Variants in PRRC2B observed in about 807,000 individuals in gnomAD.
PRRC2B encodes the protein protein PRRC2B.
A neutral mutation model predicts 242.3 loss-of-function variants in PRRC2B; 68 were observed. That is an observed-to-expected ratio of 0.28 (90% CI 0.23 to 0.34). The LOEUF (loss-of-function observed/expected upper bound fraction) is 0.34. Ranked by LOEUF, PRRC2B falls within the 10% of genes least tolerant of loss-of-function variation. PRRC2B has a pLI of 1.00. For missense variants in PRRC2B, 2,835 were observed against 2,954.8 expected, an observed-to-expected ratio of 0.96 and a Z score of 0.94; for synonymous variants, 1,228 against 1,173.6, an observed-to-expected ratio of 1.05 and a Z score of -0.95.
At chr9:131,481,268 G>A (rs1381608881) in intron 19 of PRRC2B, among the ~76,000 whole-genome samples, 1 of 120,756 alleles carries the variant, frequency 8.3e-6, no homozygotes, top group Non-Finnish European at 1.6e-5. Context: ...TGGAGATCGC[G>A]CCACTGCACT....
chr9:131,466,383 G>GAACA (rs1943395821), intron 12 of PRRC2B, among the ~76,000 whole-genome samples: 1 of 152,240 alleles, frequency 6.6e-6, no homozygotes, highest in Admixed American at 6.5e-5. Flanking sequence ...AACCCTTGGT[G>GAACA]AACACATGGT....
chr9:131,420,506 T>TC (rs1005688310), intron 1 of PRRC2B, among the ~76,000 whole-genome samples: 3 of 124,678 alleles, frequency 2.4e-5, no homozygotes, highest in Non-Finnish European at 3.3e-5. Flanking sequence ...TTTTTTTTTT[T>TC]TTTTGAGATG....
At chr9:131,457,500 A>T (rs1943115734) in intron 10 of PRRC2B, among the ~76,000 whole-genome samples, 1 of 152,172 alleles carries the variant, frequency 6.6e-6, no homozygotes, top group South Asian at 2.1e-4. Flanking sequence ...CTTTTTCTTC[A>T]TGTTCTCTGA....
intron 26 of PRRC2B, chr9:131,486,387 G>A: frequency 1.5e-6 from 1 of 649,680 alleles, no homozygotes; most frequent in Non-Finnish European, 1.9e-6. Context: ...GGAGTTGGCT[G>A]CTCCAGACTC....
In PRRC2B at chr9:131,485,056, A is replaced by G. The variant is rs1034152886; in HGVS notation, c.5674A>G (p.Ser1892Gly). 6.2e-7 allele frequency: 1 copy of G among 1,610,186 alleles called. No homozygotes were observed. The part of the protein sequence containing the change: ...IQPPSSVGAS[S>G]GVNYSSFGGV... ...GCCTCCATCCTCTGTGGGTGCCTCC[A>G]GCGGGGTCAACTACAGCTCCTTCGG... Residue 1892 changes from serine (S) to glycine (G), a missense_variant, in exon 25 of 32, where the codon AGC becomes GGC. By Grantham distance (56) the Ser-to-Gly change is moderately conservative (BLOSUM62 0). Around this residue, in one of 7 missense-constraint regions of PRRC2B, gnomAD observed 574 missense variants for 626.0 expected, o/e 0.92. Coordinates refer to ENST00000683519, the MANE Select transcript of PRRC2B (RefSeq NM_013318.4).
At chr9:131,413,964 C>G (rs548828997) in intron 1 of PRRC2B, among the ~76,000 whole-genome samples, 2 of 152,198 alleles carry the variant, frequency 1.3e-5, no homozygotes, top group Admixed American at 6.5e-5. Context: ...GCCACCACGC[C>G]GGGCCTTAAT....
At chr9:131,415,429 C>T (rs1015474435) in intron 1 of PRRC2B, among the ~76,000 whole-genome samples, 1 of 152,198 alleles carries the variant, frequency 6.6e-6, no homozygotes, top group African/African-American at 2.4e-5. Context: ...CCCCGCTCCC[C>T]TGGGGCTGGG....
intron 11 of PRRC2B, among the ~76,000 whole-genome samples, chr9:131,462,717 A>G (rs2131418703): frequency 6.6e-6 from 1 of 150,782 alleles, no homozygotes; most frequent in East Asian, 2.0e-4. Flanking sequence ...GCACGCCGGT[A>G]TTCCCAGCTA....
In PRRC2B at chr9:131,493,048, C is replaced by T. The variant is rs527696823; in HGVS notation, c.6473+788C>T. Among the ~76,000 whole-genome samples the T allele has an allele frequency of 3.2e-4, 49 of 152,280 alleles. 1 individual carries two copies. The East Asian group carries it at 5.4e-3, about 17-fold the overall frequency. On this transcript the variant is annotated intron_variant, in intron 30 of 31. Coordinates refer to ENST00000683519, the MANE Select transcript of PRRC2B (RefSeq NM_013318.4). ...CTGCAGACGCCATGAGGTATCCCCA[C>T]GACTACACAGGTACTTGTGGGCCTG... is the stretch of plus-strand genomic sequence containing the variant.
Position 131,467,459 on chromosome 9 carries a change from G to C in PRRC2B, c.1721-104G>C, listed in dbSNP as rs1943429627. The C allele has an allele frequency of 1.4e-5, 14 of 1,012,044 alleles. No individual in the cohort carries two copies. The South Asian group carries it at 2.3e-4, about 17-fold the overall frequency. The allele number at this position is 1,012,044 out of a possible 1,614,324, so 62.7% of individuals were successfully genotyped here. A position where few individuals can be genotyped will look rare whatever the true frequency, so the allele number is the denominator to read the frequency against. ...GTTCAGGGACGTGACTGTTCTAGCA[G>C]TGGAGCGTACGGGCCAACAGGAAGA... On this transcript the variant is annotated intron_variant, in intron 12 of 31. Coordinates refer to ENST00000683519, the MANE Select transcript of PRRC2B (RefSeq NM_013318.4).
rs754077191 is a variant in PRRC2B, at chr9:131,474,649, A to T, written c.2520A>T (p.Ala840=). 16 of 1,613,752 alleles carry T rather than the reference A, an allele frequency of 9.9e-6. No individual in the cohort carries two copies. In the African/African-American group the frequency reaches 1.9e-4, roughly 19 times the overall value. Residue 840 remains alanine, a synonymous_variant, in exon 16 of 32, where the codon GCA becomes GCT. Transcript: ENST00000683519. ...LFPPQENVQD[A]GAPGGHTQNL... Reference sequence around the variant, plus strand: ...CACCCCAAGAAAATGTTCAGGATGCAGGTGCTCCTGGGGGTCACACCCAAA... The same window carrying T: ...CACCCCAAGAAAATGTTCAGGATGCTGGTGCTCCTGGGGGTCACACCCAAA...
At chr9:131,373,911 T>C (rs1341975329) in intron 1 of PRRC2B, among the ~76,000 whole-genome samples, 5 of 151,976 alleles carry the variant, frequency 3.3e-5, no homozygotes, top group Non-Finnish European at 7.4e-5. Flanking sequence ...TACAAAAGAT[T>C]AGCAGGGCGC....
intron 1 of PRRC2B, among the ~76,000 whole-genome samples, chr9:131,417,375 T>C (rs1182980859): frequency 6.6e-6 from 1 of 152,060 alleles, no homozygotes; most frequent in Non-Finnish European, 1.5e-5. Context: ...TCTAGACTTC[T>C]CTTGTTTAAT....
At chr9:131,476,612 C>G (rs966641566) in intron 16 of PRRC2B, 77 bp downstream of exon 16, 5 of 1,347,480 alleles carry the variant, frequency 3.7e-6, no homozygotes, top group Non-Finnish European at 5.0e-6. Context: ...GCATGCATGC[C>G]GATGCCGCCG....
intron 1 of PRRC2B, among the ~76,000 whole-genome samples, chr9:131,383,932 AT>A: frequency 6.8e-6 from 1 of 147,666 alleles, no homozygotes; most frequent in Middle Eastern, 3.8e-3. Context: ...GTTTTGGTTT[AT>A]TTTTTGCGAC....
intron 3 of PRRC2B, 96 bp from the exon 4 acceptor site, chr9:131,436,524 C>T: frequency 1.1e-6 from 1 of 914,778 alleles, no homozygotes; most frequent in South Asian, 1.6e-5. Context: ...GGTCTGCTTC[C>T]TGTGAGCAGC....
In PRRC2B at chr9:131,492,161, C is replaced by G. The variant is rs1944213813; in HGVS notation, c.6382-8C>G. ...AAATGACAGCTTGTTCCTGCTTGGT[C>G]TCTCTAGCCCTCTCAGATGGAGATG... On this transcript the variant is annotated splice_polypyrimidine_tract_variant and splice_region_variant and intron_variant, in intron 29 of 31. Transcript: ENST00000683519. The G allele has an allele frequency of 5.0e-6, 8 of 1,611,486 alleles. No individual in the cohort carries two copies. The highest frequency in any genetic ancestry group is 2.7e-5 in the African/African-American group (2 of 74,876).
chr9:131,400,619 C>T (rs1001198184), intron 1 of PRRC2B, among the ~76,000 whole-genome samples: 2 of 151,978 alleles, frequency 1.3e-5, no homozygotes, highest in Non-Finnish European at 2.9e-5. Flanking sequence ...TGCCTGGACA[C>T]CCAGGCTGTT....
chr9:131,401,260 C>T (rs915217663), intron 1 of PRRC2B, among the ~76,000 whole-genome samples: 1 of 152,132 alleles, frequency 6.6e-6, no homozygotes, highest in Non-Finnish European at 1.5e-5. Context: ...CAGTGTTGTG[C>T]AACCATCACC....
Sources: allele counts gnomAD v4.1 joint callset (sites outside exome capture counted in the v4.1 genomes callset), GRCh38; gene constraint gnomAD v4.1.1; regional missense constraint gnomAD v4.1.1; transcripts MANE v1.5; gene names NCBI Gene and HGNC (gene_info 2026-07-23, HGNC 2026-07-21).